Variants in STARD8 observed in about 807,000 individuals in gnomAD.
STARD8 encodes the protein StAR related lipid transfer domain containing 8.
Under a neutral mutation model 69.4 loss-of-function variants are expected in STARD8, and 25 were observed. The observed-to-expected ratio is 0.36, with a 90% confidence interval of 0.26 to 0.50. The LOEUF (loss-of-function observed/expected upper bound fraction) is 0.50, where lower values mean the gene tolerates loss of function less well. Ranked by LOEUF, STARD8 falls within the 20% of genes least tolerant of loss-of-function variation. The pLI is 0.96. For missense variants in STARD8, 921 were observed against 932.5 expected (o/e 0.99, Z 0.16); for synonymous variants, 389 against 374.6 (o/e 1.04, Z -0.45).
At chrX:68,668,115 G>GTCTT (rs1259688569) in intron 2 of STARD8, among the ~76,000 whole-genome samples, 681 of 24,184 alleles carry the variant, frequency 0.028, 6 homozygotes, top group African/African-American at 0.069. Context: ...CTTTCTTTCT[G>GTCTT]TCTTTCTTTC....
chrX:68,694,936 A>G (rs2079907825), intron 2 of STARD8, among the ~76,000 whole-genome samples: 1 of 110,609 alleles, frequency 9.0e-6, no homozygotes, highest in Admixed American at 9.6e-5. Flanking sequence ...CTTGGAGCCT[A>G]TGCTTACCCC....
chrX:68,724,676 C>T lies in STARD8; in HGVS notation c.*254C>T, dbSNP rs1216294133. 5.0e-5 allele frequency: 15 copies of T among 297,998 alleles called. No homozygotes were observed. The highest frequency in any genetic ancestry group is 8.2e-5 in the Non-Finnish European group (14 of 171,016). The allele number at this position is 297,998 out of a possible 1,213,427, so 24.6% of individuals were successfully genotyped here. A position where few individuals can be genotyped will look rare whatever the true frequency, so the allele number is the denominator to read the frequency against. ...TACTCTCCCGAAAAGAGAAGAGAAT[C>T]GCATGAGTAGCAAGACTGCTGCCAC... is the stretch of plus-strand genomic sequence containing the variant. On this transcript the variant is annotated 3_prime_UTR_variant, in exon 15 of 15. Transcript: ENST00000374599.
chrX:68,690,617 C>T (rs145851945), intron 2 of STARD8, among the ~76,000 whole-genome samples: 289 of 112,230 alleles, frequency 2.6e-3, no homozygotes, highest in African/African-American at 8.8e-3. Context: ...TGCCACAGTC[C>T]TTTACAGTAT....
At chrX:68,650,782 C>CAAACAAAACA (rs199558734) in intron 1 of STARD8, among the ~76,000 whole-genome samples, 4,521 of 88,690 alleles carry the variant, frequency 0.051, 143 homozygotes, top group Non-Finnish European at 0.059. Context: ...GGCTATGTCT[C>CAAACAAAACA]AAACAAAACA....
chrX:68,662,581 T>TGG (rs2079658510), intron 1 of STARD8, among the ~76,000 whole-genome samples: 1 of 111,908 alleles, frequency 8.9e-6, no homozygotes, highest in Admixed American at 9.5e-5. Flanking sequence ...GTGACAGTTC[T>TGG]GGGAAATGAG....
chrX:68,653,339 ACCACACACACC>A (rs1156620068), intron 1 of STARD8, among the ~76,000 whole-genome samples: 4 of 38,118 alleles, frequency 1.0e-4, no homozygotes, highest in Non-Finnish European at 1.4e-4. Flanking sequence ...CACCCCACAC[ACCACACACACC>A]CCACACACAC....
intron 2 of STARD8, among the ~76,000 whole-genome samples, chrX:68,683,609 A>C (rs751895256): frequency 8.9e-6 from 1 of 112,074 alleles, no homozygotes; most frequent in Non-Finnish European, 1.9e-5. Context: ...TAAGGAAGGA[A>C]AAGATGAATT....
chrX:68,701,674 G>A (rs7058814), intron 2 of STARD8, among the ~76,000 whole-genome samples: 4,147 of 111,743 alleles, frequency 0.037, 176 homozygotes, highest in African/African-American at 0.12. Context: ...GGCAGTGGGG[G>A]TGGCAGTGTG....
chrX:68,725,335 C>T lies in STARD8; in HGVS notation c.*913C>T, dbSNP rs2080190848. On this transcript the variant is annotated 3_prime_UTR_variant, in exon 15 of 15. Coordinates refer to ENST00000374599, the MANE Select transcript of STARD8 (RefSeq NM_001142503.3). ...TCAAGCAGAGACCTGGCCCCTGGGCCAGCCAGATGGAAGGGCCTATCTTAG... is the reference window on the plus strand; with the variant it reads ...TCAAGCAGAGACCTGGCCCCTGGGCTAGCCAGATGGAAGGGCCTATCTTAG... The T allele has an allele frequency of 9.1e-6, 1 of 109,883 alleles. No individual in the cohort carries two copies. The highest frequency in any genetic ancestry group is 1.9e-5 in the Non-Finnish European group (1 of 52,717). 9.1% of individuals were successfully genotyped at this position (109,883 alleles called of 1,213,427 possible). A position where few individuals can be genotyped will look rare whatever the true frequency, so the allele number is the denominator to read the frequency against.
At chrX:68,702,535 C>T (rs2079973992) in intron 2 of STARD8, among the ~76,000 whole-genome samples, 1 of 111,975 alleles carries the variant, frequency 8.9e-6, no homozygotes, top group Admixed American at 9.4e-5. Flanking sequence ...CTACAAAAAC[C>T]CTGGTAGATG....
chrX:68,676,733 A>C (rs2079767765), intron 2 of STARD8, among the ~76,000 whole-genome samples: 1 of 112,305 alleles, frequency 8.9e-6, no homozygotes, highest in Non-Finnish European at 1.9e-5. Flanking sequence ...ATTCCAACCT[A>C]TAATCTTTCA....
chrX:68,692,051 T>C (rs956831817), intron 2 of STARD8, among the ~76,000 whole-genome samples: 1 of 112,121 alleles, frequency 8.9e-6, no homozygotes, highest in Admixed American at 9.5e-5. Flanking sequence ...CCACTTTTTG[T>C]CCTTTTTAGC....
At chrX:68,665,371 T>G in intron 1 of STARD8, 128 bp from the exon 2 acceptor site, 1 of 770,602 alleles carries the variant, frequency 1.3e-6, no homozygotes, top group Non-Finnish European at 1.9e-6. Context: ...TTTCCTTTTC[T>G]TTGGACCTCC....
chrX:68,693,893 G>T, intron 2 of STARD8: 1 of 700,804 alleles, frequency 1.4e-6, no homozygotes, highest in Non-Finnish European at 1.7e-6. Flanking sequence ...CCCTCTCCCC[G>T]CTTTGCCTCT....
At chrX:68,689,964 C>G (rs990262436) in intron 2 of STARD8, among the ~76,000 whole-genome samples, 3 of 109,890 alleles carry the variant, frequency 2.7e-5, no homozygotes, top group Non-Finnish European at 5.7e-5. Context: ...GTGCAAATCT[C>G]CCTCCTATGG....
intron 2 of STARD8, among the ~76,000 whole-genome samples, chrX:68,685,554 C>T (rs990276942): frequency 4.4e-5 from 5 of 112,465 alleles, no homozygotes; most frequent in Admixed American, 9.4e-5. Context: ...TTGTGGTACA[C>T]GCCAGGGGCT....
chrX:68,652,562 CT>C (rs1393890210), intron 1 of STARD8, among the ~76,000 whole-genome samples: 1 of 111,199 alleles, frequency 9.0e-6, no homozygotes, highest in Non-Finnish European at 1.9e-5. Flanking sequence ...GTGTCTTCCC[CT>C]GGAGGCCAGT....
At chrX:68,657,268 T>C (rs926817509) in intron 1 of STARD8, among the ~76,000 whole-genome samples, 1 of 112,000 alleles carries the variant, frequency 8.9e-6, no homozygotes, top group Non-Finnish European at 1.9e-5. Context: ...GTTTATTTGT[T>C]GTTATCTTGG....
chrX:68,686,504 G>A (rs1441142576), intron 2 of STARD8, among the ~76,000 whole-genome samples: 2 of 112,634 alleles, frequency 1.8e-5, no homozygotes, highest in Non-Finnish European at 3.8e-5. Context: ...CGTGGACTCC[G>A]TGGGGTGTGG....
Sources: allele counts gnomAD v4.1 joint callset (sites outside exome capture counted in the v4.1 genomes callset), GRCh38; gene constraint gnomAD v4.1.1; transcripts MANE v1.5; gene names NCBI Gene and HGNC (gene_info 2026-07-23, HGNC 2026-07-21).